ACOD1: variants seen among roughly 807,000 people sequenced by gnomAD.
ACOD1 encodes the protein aconitate decarboxylase 1.
ACOD1 carries 14 observed loss-of-function variants against 14.2 expected under a neutral mutation model. That is an observed-to-expected ratio of 0.99 (90% CI 0.65 to 1.54). ACOD1 has a LOEUF of 1.54. Among genes scored for constraint, ACOD1 ranks in the 40% most tolerant of loss-of-function variants. The pLI is 0.00. For missense variants in ACOD1, 530 were observed against 586.3 expected, an observed-to-expected ratio of 0.90 and a Z score of 0.99; for synonymous variants, 182 against 221.7, an observed-to-expected ratio of 0.82 and a Z score of 1.59.
In ACOD1 at chr13:76,952,616, C is replaced by A. The variant is rs374503575; in HGVS notation, c.140C>A (p.Thr47Lys). ...TLGAGFLGTT[T>K]EVFHIASQYS... is the part of the protein sequence containing the mutation. ...GGTGCTGGGTTCCTGGGAACCACTA[C>A]GGAAGTGTTTCACATAGCCAGCCAA... is the stretch of plus-strand genomic sequence containing the variant. The change falls in exon 2 of 5, where the codon ACG (threonine) becomes AAG (lysine). Residue 47 changes from threonine (T) to lysine (K), a missense_variant. By Grantham distance (78) the Thr-to-Lys change is moderately conservative. Transcript: ENST00000377462. 6.5e-7 allele frequency: 1 copy of A among 1,550,374 alleles called. No homozygotes were observed.
At chr13:76,951,174 A>T (rs2033817569) in intron 1 of ACOD1, among the ~76,000 whole-genome samples, 2 of 152,220 alleles carry the variant, frequency 1.3e-5, no homozygotes, top group Admixed American at 1.3e-4. Context: ...GAAACTGATC[A>T]ATTAATAACA....
At chr13:76,951,240 T>C (rs2033818369) in intron 1 of ACOD1, among the ~76,000 whole-genome samples, 1 of 152,150 alleles carries the variant, frequency 6.6e-6, no homozygotes, top group African/African-American at 2.4e-5. Context: ...TATATTGAAT[T>C]TTTTTTATTA....
chr13:76,957,708 T>C lies in ACOD1; in HGVS notation c.1169T>C (p.Val390Ala), dbSNP rs779593900. 17 of 1,550,518 alleles carry C rather than the reference T, an allele frequency of 1.1e-5. No individual in the cohort carries two copies. The highest frequency in any genetic ancestry group is 1.5e-5 in the Non-Finnish European group (17 of 1,147,002). ...SFNILYCEIS[V>A]TLKDGATFTD... ...AACATACTGTACTGTGAAATAAGTGTCACCCTCAAGGATGGAGCCACCTTC... is the reference window on the plus strand; with the variant it reads ...AACATACTGTACTGTGAAATAAGTGCCACCCTCAAGGATGGAGCCACCTTC... The change falls in exon 5 of 5, where the codon GTC becomes GCC. Residue 390 changes from valine (V) to alanine (A), a missense_variant. By Grantham distance (64) the Val-to-Ala change is moderately conservative. Transcript: ENST00000377462.
At chr13:76,953,350 C>A (rs556692736) in intron 2 of ACOD1, among the ~76,000 whole-genome samples, 1 of 152,236 alleles carries the variant, frequency 6.6e-6, no homozygotes, top group East Asian at 1.9e-4. Flanking sequence ...AGAGTAACTT[C>A]AGATGTGCTT....
At chr13:76,955,287 C>G in intron 3 of ACOD1, 32 bp from the exon 4 acceptor site, 1 of 1,536,794 alleles carries the variant, frequency 6.5e-7, no homozygotes, top group Non-Finnish European at 8.8e-7. Flanking sequence ...AAATTTAAGG[C>G]TTTTTGTTGC....
chr13:76,952,267 A>G (rs1350459190), intron 1 of ACOD1, among the ~76,000 whole-genome samples: 2 of 151,992 alleles, frequency 1.3e-5, no homozygotes, highest in African/African-American at 4.8e-5. Flanking sequence ...TCAACTGAGA[A>G]GATAAACTGG....
chr13:76,951,387 C>G (rs2033819798), intron 1 of ACOD1, among the ~76,000 whole-genome samples: 2 of 152,130 alleles, frequency 1.3e-5, no homozygotes, highest in Admixed American at 1.3e-4. Flanking sequence ...AGGTACCCAC[C>G]ACCACACCCG....
chr13:76,952,959 C>T (rs1040191777), intron 2 of ACOD1, among the ~76,000 whole-genome samples: 12 of 152,056 alleles, frequency 7.9e-5, no homozygotes, highest in African/African-American at 2.7e-4. Flanking sequence ...ATGGCAAAGA[C>T]CCATTTCTAC....
rs1179279159 is a variant in ACOD1 at position 76,957,016 on chromosome 13, T to A, written c.477T>A (p.His159Gln). 2 of 1,545,798 alleles carry A rather than the reference T, an allele frequency of 1.3e-6. No homozygotes were observed. Among genetic ancestry groups the A allele is most frequent in the South Asian group, 1.2e-5 (1 of 83,468 alleles). ...KEANDMPKRF[H>Q]PPSVVGTLGS... is the part of the protein sequence containing the mutation. ...CTGCTTCTTTGCTTTTCAGATTCCA[T>A]CCCCCTTCCGTGGTAGGAACGTTGG... Residue 159 changes from histidine (H) to glutamine (Q), a missense_variant, in exon 5 of 5, where the codon CAT becomes CAA. Transcript: ENST00000377462.
chr13:76,951,720 G>T (rs2033823505), intron 1 of ACOD1, among the ~76,000 whole-genome samples: 1 of 152,124 alleles, frequency 6.6e-6, no homozygotes, highest in Non-Finnish European at 1.5e-5. Flanking sequence ...TTGTACGTAA[G>T]AGCACCAGAG....
Position 76,957,077 on chromosome 13 carries a change from A to G in ACOD1, c.538A>G (p.Ser180Gly). 1.3e-6 allele frequency: 2 copies of G among 1,550,656 alleles called. No homozygotes were observed. Among genetic ancestry groups the G allele is most frequent in the South Asian group, 2.4e-5 (2 of 84,062 alleles). ...AAAASKFLGL[S>G]STKCREALAI... Reference sequence around the variant, plus strand: ...TGCTGCATCCAAGTTTTTAGGACTTAGCTCGACAAAGTGCCGAGAAGCTCT... The same window carrying G: ...TGCTGCATCCAAGTTTTTAGGACTTGGCTCGACAAAGTGCCGAGAAGCTCT... The change falls in exon 5 of 5, where the codon AGC (serine) becomes GGC (glycine). Residue 180 changes from serine (S) to glycine (G), a missense_variant. Physicochemically the swap from Ser to Gly is moderately conservative, Grantham distance 56. Coordinates refer to ENST00000377462, the MANE Select transcript of ACOD1 (RefSeq NM_001258406.2).
At position 76,952,613 on chromosome 13, in the gene ACOD1, C is replaced by A. The variant is rs1247703260; in HGVS notation, c.137C>A (p.Thr46Asn). Residue 46 changes from threonine (T) to asparagine (N), a missense_variant, in exon 2 of 5, where the codon ACT (threonine) becomes AAT (asparagine). Thr to Asn is a moderately conservative substitution (Grantham distance 65, BLOSUM62 0). Coordinates refer to ENST00000377462, the MANE Select transcript of ACOD1 (RefSeq NM_001258406.2). ...DTLGAGFLGT[T>N]TEVFHIASQY... ...CTGGGTGCTGGGTTCCTGGGAACCA[C>A]TACGGAAGTGTTTCACATAGCCAGC... 7.7e-6 allele frequency: 12 copies of A among 1,550,442 alleles called. 1 individual carries two copies. In the East Asian group the frequency reaches 2.9e-4, roughly 38 times the overall value.
Position 76,957,082 on chromosome 13 carries a change from G to A in ACOD1, c.543G>A (p.Ser181=), listed in dbSNP as rs752034602. 2.8e-5 allele frequency: 44 copies of A among 1,550,494 alleles called. No homozygotes were observed. Among genetic ancestry groups the A allele is most frequent in the East Asian group, 2.4e-4 (10 of 40,936 alleles). Residue 181 remains serine, a synonymous_variant, in exon 5 of 5, where the codon TCG becomes TCA. Transcript: ENST00000377462. ...AAASKFLGLS[S]TKCREALAIA... is the part of the protein sequence containing the mutation. ...CATCCAAGTTTTTAGGACTTAGCTC[G>A]ACAAAGTGCCGAGAAGCTCTGGCCA...
In ACOD1 at chr13:76,957,576, G is replaced by A. The variant is rs181621469; in HGVS notation, c.1037G>A (p.Gly346Asp). ...YVACAMLLDG[G>D]ITVPSFHECQ... Reference sequence around the variant, plus strand: ...GCCTGTGCCATGCTGCTTGATGGTGGCATCACTGTCCCCTCATTCCATGAA... The same window carrying A: ...GCCTGTGCCATGCTGCTTGATGGTGACATCACTGTCCCCTCATTCCATGAA... The change falls in exon 5 of 5, where the codon GGC becomes GAC. Residue 346 changes from glycine to aspartate, a missense_variant. Physicochemically the swap from Gly to Asp is moderately conservative, Grantham distance 94. Coordinates refer to ENST00000377462, the MANE Select transcript of ACOD1 (RefSeq NM_001258406.2). The A allele has an allele frequency of 6.4e-6, 10 of 1,550,646 alleles. No individual in the cohort carries two copies. In the East Asian group the frequency reaches 2.2e-4, roughly 34 times the overall value.
rs1265547951 is a variant in ACOD1 at position 76,957,211 on chromosome 13, G to A, written c.672G>A (p.Leu224=). 6.4e-7 allele frequency: 1 copy of A among 1,550,608 alleles called. No homozygotes were observed. The highest frequency in any genetic ancestry group is 2.0e-5 in the Admixed American group (1 of 51,012). Residue 224 remains leucine, a synonymous_variant, in exon 5 of 5, where the codon TTG becomes TTA. Transcript: ENST00000377462. Reference sequence around the variant, plus strand: ...AGCATGGGATAGAAGCTGCATTTTTGGCAATGTTGGGTCTCCAAGGAAACA... The same window carrying A: ...AGCATGGGATAGAAGCTGCATTTTTAGCAATGTTGGGTCTCCAAGGAAACA... ...AAKHGIEAAF[L]AMLGLQGNKQ...
intron 2 of ACOD1, among the ~76,000 whole-genome samples, chr13:76,953,090 A>G (rs1375292511): frequency 2.0e-5 from 3 of 152,240 alleles, no homozygotes; most frequent in African/African-American, 7.2e-5. Context: ...GTAGTAAGTC[A>G]AGATCATGCC....
In ACOD1 at chr13:76,948,555, C is replaced by T. The variant is rs913309406; in HGVS notation, c.-4C>T. The T allele has an allele frequency of 6.5e-6, 10 of 1,548,130 alleles. No homozygotes were observed. Among genetic ancestry groups the T allele is most frequent in the Middle Eastern group, 1.7e-4 (1 of 6,008 alleles). On this transcript the variant is annotated 5_prime_UTR_variant, in exon 1 of 5. The change creates a new upstream start codon in the 5' untranslated region. Coordinates refer to ENST00000377462, the MANE Select transcript of ACOD1 (RefSeq NM_001258406.2). ...CCTGAACTGAACCTCTTCTTTACAA[C>T]GAAATGATGCTCAAGGTATTGTAGC... is the stretch of plus-strand genomic sequence containing the variant.
rs1485014880 is a variant in ACOD1, at chr13:76,958,554, A to T, written c.*569A>T. 6 of 152,530 alleles carry T rather than the reference A, an allele frequency of 3.9e-5. No homozygotes were observed. The East Asian group carries it at 1.2e-3, about 29-fold the overall frequency. The allele number at this position is 152,530 out of a possible 1,614,324, so 9.4% of individuals were successfully genotyped here. The stretch of plus-strand genomic sequence containing the variant: ...CCGAAGTAAAAAGCAGTCTGGAAAA[A>T]TCGCATTTTGGCTCTAGAACCCATG... On this transcript the variant is annotated 3_prime_UTR_variant, in exon 5 of 5. Coordinates refer to ENST00000377462, the MANE Select transcript of ACOD1 (RefSeq NM_001258406.2).
Position 76,955,299 on chromosome 13 carries a change from GT to G in ACOD1, c.265-17del. Reference sequence around the variant, plus strand: ...GGAAAATTTAAGGCTTTTTGTTGCTGTTTGTGTCTGTTTATACAGATTCACT... The same window carrying G: ...GGAAAATTTAAGGCTTTTTGTTGCTGTTGTGTCTGTTTATACAGATTCACT... On this transcript the variant is annotated intron_variant, in intron 3 of 4. Transcript: ENST00000377462. 9 of 1,546,608 alleles carry G rather than the reference GT, an allele frequency of 5.8e-6. No individual in the cohort carries two copies. Among genetic ancestry groups the G allele is most frequent in the Non-Finnish European group, 7.9e-6 (9 of 1,144,648 alleles).
Sources: gnomAD v4.1 joint callset for allele counts (sites outside exome capture counted in the v4.1 genomes callset) on GRCh38, gnomAD v4.1.1 for gene constraint, MANE v1.5 for transcripts, NCBI Gene and HGNC (gene_info 2026-07-23, HGNC 2026-07-21) for gene names.